The following TIMP3 variants were observed in gnomAD, a reference collection of about 807,000 sequenced individuals.
The protein encoded by TIMP3 is metalloproteinase inhibitor 3.
Under a neutral mutation model 30.0 loss-of-function variants are expected in TIMP3, and 11 were observed. That is an observed-to-expected ratio of 0.37 (90% CI 0.23 to 0.61). TIMP3 has a LOEUF of 0.61. TIMP3 is among the 20% of genes least tolerant of loss of function. The pLI, the probability that TIMP3 is intolerant of heterozygous loss-of-function variation, is 0.70. For synonymous variants in TIMP3, 112 were observed against 111.3 expected, an observed-to-expected ratio of 1.01 and a Z score of -0.04; for missense variants, 181 against 276.8, an observed-to-expected ratio of 0.65 and a Z score of 2.45.
chr22:32,815,041 A>G (rs2047050870), intron 1 of TIMP3, among the ~76,000 whole-genome samples: 3 of 152,262 alleles, frequency 2.0e-5, no homozygotes, highest in Non-Finnish European at 4.4e-5. Flanking sequence ...TTTTACACTC[A>G]TAGCATATCT....
intron 1 of TIMP3, among the ~76,000 whole-genome samples, chr22:32,826,493 T>C (rs960550714): frequency 3.2e-4 from 48 of 152,024 alleles, no homozygotes; most frequent in African/African-American, 9.9e-4. Context: ...ATAAAGAGCA[T>C]GGAGAAAGTA....
intron 1 of TIMP3, among the ~76,000 whole-genome samples, chr22:32,802,782 G>T (rs1339067185): frequency 1.3e-5 from 2 of 152,232 alleles, no homozygotes; most frequent in South Asian, 4.1e-4. Flanking sequence ...AGCAGAAGGT[G>T]CGAGGGGTCA....
chr22:32,824,988 C>T (rs569680563), intron 1 of TIMP3, among the ~76,000 whole-genome samples: 4 of 152,276 alleles, frequency 2.6e-5, no homozygotes, highest in African/African-American at 9.6e-5. Context: ...CTTCCTGGCC[C>T]CGCCTGTCTT....
intron 1 of TIMP3, among the ~76,000 whole-genome samples, chr22:32,819,993 T>C (rs2047190158): frequency 6.6e-6 from 1 of 151,828 alleles, no homozygotes; most frequent in Admixed American, 6.6e-5. Context: ...TTGTTTGTTT[T>C]AGAGCCCAAG....
intron 1 of TIMP3, among the ~76,000 whole-genome samples, chr22:32,822,541 T>G (rs1435359036): frequency 6.6e-6 from 1 of 152,252 alleles, no homozygotes; most frequent in South Asian, 2.1e-4. Context: ...GCAATCTTAC[T>G]TCTAGAAATT....
At chr22:32,808,357 G>C (rs1484999893) in intron 1 of TIMP3, among the ~76,000 whole-genome samples, 1 of 152,188 alleles carries the variant, frequency 6.6e-6, no homozygotes, top group Non-Finnish European at 1.5e-5. Flanking sequence ...CCTATGGATG[G>C]CACTTGGGTG....
intron 1 of TIMP3, among the ~76,000 whole-genome samples, chr22:32,828,109 G>A (rs563887208): frequency 6.6e-6 from 1 of 152,346 alleles, no homozygotes; most frequent in Admixed American, 6.5e-5. Context: ...TCACCATCTA[G>A]AAGATACTTG....
At chr22:32,841,553 C>T (rs1219031312) in intron 1 of TIMP3, among the ~76,000 whole-genome samples, 1 of 151,958 alleles carries the variant, frequency 6.6e-6, no homozygotes. Context: ...ATCTGGAGCT[C>T]AGTGTTGGAT....
chr22:32,818,692 C>T (rs1601439109), intron 1 of TIMP3, among the ~76,000 whole-genome samples: 1 of 152,172 alleles, frequency 6.6e-6, no homozygotes, highest in African/African-American at 2.4e-5. Context: ...CCAGCTCTTG[C>T]ACCATTAACT....
At chr22:32,804,094 A>G (rs1247710287) in intron 1 of TIMP3, among the ~76,000 whole-genome samples, 3 of 152,196 alleles carry the variant, frequency 2.0e-5, no homozygotes, top group Non-Finnish European at 4.4e-5. Context: ...AATTTCTCAG[A>G]GAAAATCTAA....
intron 1 of TIMP3, among the ~76,000 whole-genome samples, chr22:32,827,534 C>T (rs936204510): frequency 3.9e-5 from 6 of 152,202 alleles, no homozygotes; most frequent in African/African-American, 1.2e-4. Context: ...CTCATGTGAG[C>T]TTTACAATGA....
At chr22:32,819,011 G>A (rs763481144) in intron 1 of TIMP3, among the ~76,000 whole-genome samples, 1 of 152,196 alleles carries the variant, frequency 6.6e-6, no homozygotes, top group Admixed American at 6.5e-5. Context: ...AAATAACCTC[G>A]AGGCTGGCCT....
intron 1 of TIMP3, among the ~76,000 whole-genome samples, chr22:32,815,668 C>T (rs1219998015): frequency 6.6e-6 from 1 of 152,146 alleles, no homozygotes; most frequent in Non-Finnish European, 1.5e-5. Context: ...TATAAACATA[C>T]ATGTCAGAAA....
chr22:32,858,593 C>T (rs1308490794), intron 4 of TIMP3, among the ~76,000 whole-genome samples: 2 of 152,272 alleles, frequency 1.3e-5, no homozygotes, highest in East Asian at 3.9e-4. Context: ...TTTACCAGGC[C>T]CATCCCCCTG....
At chr22:32,814,902 A>G (rs991867250) in intron 1 of TIMP3, among the ~76,000 whole-genome samples, 2 of 152,232 alleles carry the variant, frequency 1.3e-5, no homozygotes, top group Non-Finnish European at 2.9e-5. Context: ...AAACGAGGAA[A>G]AAGTGAAATT....
At position 32,859,369 on chromosome 22, in the gene TIMP3, G is replaced by T. The variant is rs1804709; in HGVS notation, c.628G>T (p.Asp210Tyr). 3 of 1,610,012 alleles carry T rather than the reference G, an allele frequency of 1.9e-6. No individual in the cohort carries two copies. The East Asian group carries it at 6.7e-5, about 36-fold the overall frequency. ...PPDKSIINAT[D>Y]P is the part of the protein sequence containing the mutation. ...GGATAAAAGCATCATCAATGCCACA[G>T]ACCCCTGAGCGCCAGACCCTGCCCC... Residue 210 changes from aspartate (D) to tyrosine (Y), a missense_variant, in exon 5 of 5, where the codon GAC (aspartate) becomes TAC (tyrosine). Around this residue, in one of 3 missense-constraint regions of TIMP3, gnomAD observed 47 missense variants for 63.8 expected, o/e 0.74. Coordinates refer to ENST00000266085, the MANE Select transcript of TIMP3 (RefSeq NM_000362.5).
chr22:32,859,108 C>G (rs1569281518), intron 4 of TIMP3, 72 bp from the exon 5 acceptor site: 1 of 1,545,916 alleles, frequency 6.5e-7, no homozygotes, highest in East Asian at 2.2e-5. Context: ...GGTCTGAATC[C>G]AGGCTCGGTA....
At chr22:32,807,395 A>ATATATATTATATAT (rs2046789858) in intron 1 of TIMP3, among the ~76,000 whole-genome samples, 2 of 100,150 alleles carry the variant, frequency 2.0e-5, no homozygotes, top group African/African-American at 7.9e-5. Context: ...ATTATATATA[A>ATATATATTATATAT]TATATATATA....
intron 1 of TIMP3, among the ~76,000 whole-genome samples, chr22:32,809,895 T>A (rs775846369): frequency 6.6e-6 from 1 of 152,200 alleles, no homozygotes; most frequent in Non-Finnish European, 1.5e-5. Flanking sequence ...CAGCTTAGCA[T>A]CTCTTCTCCC....
Sources: allele counts gnomAD v4.1 joint callset (sites outside exome capture counted in the v4.1 genomes callset), GRCh38; gene constraint gnomAD v4.1.1; regional missense constraint gnomAD v4.1.1; transcripts MANE v1.5; gene names NCBI Gene and HGNC (gene_info 2026-07-23, HGNC 2026-07-21).